Variants in GPD2 observed in about 807,000 individuals in gnomAD.
GPD2 encodes glycerol-3-phosphate dehydrogenase 2, also known as glycerol-3-phosphate dehydrogenase, mitochondrial.
GPD2 carries 54 observed loss-of-function variants against 82.4 expected under a neutral mutation model. The ratio of observed to expected loss-of-function variants is 0.66; its 90% confidence interval spans 0.53 to 0.82. The LOEUF (loss-of-function observed/expected upper bound fraction) is 0.82, where lower values mean the gene tolerates loss of function less well. Among genes scored for constraint, GPD2 ranks in the 40% least tolerant of loss-of-function variants. GPD2 has a pLI of 0.00. For missense variants in GPD2, 748 were observed against 896.2 expected (o/e 0.83, Z 2.11); for synonymous variants, 288 against 306.1 (o/e 0.94, Z 0.62).
intron 2 of GPD2, among the ~76,000 whole-genome samples, chr2:156,486,977 T>G (rs561299195): frequency 2.6e-5 from 4 of 152,312 alleles, no homozygotes; most frequent in African/African-American, 9.6e-5. Context: ...CTTTAACTTC[T>G]GGATCTACTT....
chr2:156,440,623 C>A (rs1197902608), intron 1 of GPD2, among the ~76,000 whole-genome samples: 1 of 152,098 alleles, frequency 6.6e-6, no homozygotes, highest in East Asian at 1.9e-4. Context: ...TCCTATTTTT[C>A]AGTAGAGAAT....
chr2:156,403,089 T>A, the GPD2 span, among the ~76,000 whole-genome samples: 1 of 91,530 alleles, frequency 1.1e-5, no homozygotes, highest in Non-Finnish European at 2.0e-5. Flanking sequence ...CACTCCAGCC[T>A]GGGCGACAAA....
At chr2:156,527,234 A>C (rs1187807673) in intron 6 of GPD2, among the ~76,000 whole-genome samples, 1 of 152,080 alleles carries the variant, frequency 6.6e-6, no homozygotes, top group Non-Finnish European at 1.5e-5. Context: ...AGTTTCAACT[A>C]CCAAGCCTTG....
At chr2:156,416,574 G>A in the GPD2 span, among the ~76,000 whole-genome samples, 4 of 149,880 alleles carry the variant, frequency 2.7e-5, no homozygotes, top group Non-Finnish European at 5.9e-5. Flanking sequence ...TGTTGCCCAG[G>A]CTGGCCTCAA....
At chr2:156,513,716 T>C (rs1685091287) in intron 6 of GPD2, among the ~76,000 whole-genome samples, 1 of 152,244 alleles carries the variant, frequency 6.6e-6, no homozygotes, top group African/African-American at 2.4e-5. Context: ...ATATTTGTTT[T>C]CTTCTTTGAT....
intron 6 of GPD2, among the ~76,000 whole-genome samples, chr2:156,523,366 A>T (rs1353024553): frequency 6.6e-6 from 1 of 152,196 alleles, no homozygotes; most frequent in Non-Finnish European, 1.5e-5. Context: ...ATTGATTTTT[A>T]AGTTCGTTAT....
intron 9 of GPD2, among the ~76,000 whole-genome samples, chr2:156,563,655 T>A (rs756306826): frequency 1.3e-5 from 2 of 152,190 alleles, no homozygotes; most frequent in Non-Finnish European, 2.9e-5. Flanking sequence ...TAGGAGCTAT[T>A]ACAGCAGATT....
At chr2:156,565,670 G>T (rs1687361997) in intron 9 of GPD2, among the ~76,000 whole-genome samples, 1 of 152,120 alleles carries the variant, frequency 6.6e-6, no homozygotes, top group Non-Finnish European at 1.5e-5. Context: ...TCAGATTATA[G>T]TTATGTCAAG....
chr2:156,511,739 G>A (rs1685004293), intron 4 of GPD2, among the ~76,000 whole-genome samples: 1 of 152,132 alleles, frequency 6.6e-6, no homozygotes, highest in Non-Finnish European at 1.5e-5. Flanking sequence ...TTTTAGAGAG[G>A]CGTAATGAGG....
intron 6 of GPD2, among the ~76,000 whole-genome samples, chr2:156,531,224 C>G (rs748641616): frequency 3.3e-5 from 5 of 152,120 alleles, no homozygotes; most frequent in African/African-American, 9.7e-5. Flanking sequence ...CACCCCTGCC[C>G]CCTTTAAATA....
At chr2:156,535,397 G>T (rs1329519089) in intron 6 of GPD2, among the ~76,000 whole-genome samples, 7 of 117,220 alleles carry the variant, frequency 6.0e-5, no homozygotes, top group Non-Finnish European at 1.0e-4. Context: ...CCTGGGGGGG[G>T]GCGGGGAGAG....
chr2:156,554,428 A>G (rs910838488), intron 8 of GPD2, among the ~76,000 whole-genome samples: 52 of 152,228 alleles, frequency 3.4e-4, no homozygotes, highest in Non-Finnish European at 1.2e-4. Flanking sequence ...TGGTAAAGGA[A>G]GAGTAAGGAA....
the GPD2 span, among the ~76,000 whole-genome samples, chr2:156,419,337 G>A: frequency 2.0e-5 from 3 of 152,180 alleles, no homozygotes; most frequent in Non-Finnish European, 4.4e-5. Flanking sequence ...GGGATTACAG[G>A]CGTGAGCCAC....
chr2:156,498,797 CA>C (rs1684481161), intron 3 of GPD2, among the ~76,000 whole-genome samples: 1 of 152,010 alleles, frequency 6.6e-6, no homozygotes, highest in Non-Finnish European at 1.5e-5. Flanking sequence ...AGAAGGGAGA[CA>C]GTATGTTTCA....
At chr2:156,562,376 A>C (rs1373277684) in intron 9 of GPD2, among the ~76,000 whole-genome samples, 1 of 152,200 alleles carries the variant, frequency 6.6e-6, no homozygotes, top group Non-Finnish European at 1.5e-5. Context: ...CTGTTTAATT[A>C]TAGTGTCACA....
intron 6 of GPD2, among the ~76,000 whole-genome samples, chr2:156,536,390 A>G (rs756233753): frequency 1.3e-5 from 2 of 152,214 alleles, no homozygotes; most frequent in Non-Finnish European, 2.9e-5. Flanking sequence ...CTTAATTAGA[A>G]TTCAACATTG....
intron 6 of GPD2, among the ~76,000 whole-genome samples, chr2:156,524,443 GCTTCTTTA>G: frequency 6.6e-6 from 1 of 152,268 alleles, no homozygotes; most frequent in South Asian, 2.1e-4. Context: ...TCTTCTAAAG[GCTTCTTTA>G]CTTTCCTGTT....
At chr2:156,555,109 G>A (rs1055974953) in intron 8 of GPD2, among the ~76,000 whole-genome samples, 7 of 152,202 alleles carry the variant, frequency 4.6e-5, no homozygotes, top group African/African-American at 9.6e-5. Context: ...GACTTTTCCC[G>A]AAGGGAAAAT....
At chr2:156,436,083 C>T (rs1688417983), upstream of GPD2, among the ~76,000 whole-genome samples, 1 of 152,234 alleles carries the variant, frequency 6.6e-6, no homozygotes, top group Admixed American at 6.5e-5. Flanking sequence ...GGACCCGCGT[C>T]CCCGTCTAGT....
Sources: gnomAD v4.1 joint callset for allele counts (sites outside exome capture counted in the v4.1 genomes callset) on GRCh38, gnomAD v4.1.1 for gene constraint, MANE v1.5 for transcripts, NCBI Gene and HGNC (gene_info 2026-07-23, HGNC 2026-07-21) for gene names.